Variants in SDK1 observed in about 807,000 individuals in gnomAD.
SDK1 encodes the protein sidekick cell adhesion molecule 1.
A neutral mutation model predicts 245.5 loss-of-function variants in SDK1; 157 were observed. The observed-to-expected ratio is 0.64, with a 90% CI of 0.56 to 0.73. The LOEUF is 0.73. Among genes scored for constraint, SDK1 ranks in the 30% least tolerant of loss-of-function variants. The probability of loss-of-function intolerance (pLI) is 0.00; values close to 1 mark genes in which losing one functional copy is unlikely to be tolerated. For synonymous variants in SDK1, 1,647 were observed against 1,278.5 expected (o/e 1.29, Z -6.15); for missense variants, 3,583 against 3,002.3 (o/e 1.19, Z -4.52).
chr7:3,993,526 A>G (rs1784497841), intron 14 of SDK1, among the ~76,000 whole-genome samples: 1 of 152,200 alleles, frequency 6.6e-6, no homozygotes, highest in Non-Finnish European at 1.5e-5. Context: ...TAATATTTAA[A>G]TTTAATTAAA....
intron 1 of SDK1, among the ~76,000 whole-genome samples, chr7:3,316,793 G>A (rs1227802652): frequency 6.6e-6 from 1 of 152,158 alleles, no homozygotes; most frequent in Non-Finnish European, 1.5e-5. Flanking sequence ...TTCTCCTGAA[G>A]TCTACAGTAT....
chr7:4,226,582 C>T (rs1328065266), intron 40 of SDK1, among the ~76,000 whole-genome samples: 1 of 152,220 alleles, frequency 6.6e-6, no homozygotes, highest in East Asian at 1.9e-4. Context: ...CACAGATCCC[C>T]TCTTATTCCT....
chr7:4,153,196 G>A (rs955509926), intron 30 of SDK1, among the ~76,000 whole-genome samples: 8 of 151,786 alleles, frequency 5.3e-5, no homozygotes, highest in African/African-American at 1.7e-4. Context: ...GGGATTCAAC[G>A]AATGTCAGCA....
chr7:4,223,003 C>T (rs545850401), intron 40 of SDK1, among the ~76,000 whole-genome samples: 27 of 151,988 alleles, frequency 1.8e-4, no homozygotes, highest in Non-Finnish European at 3.5e-4. Context: ...ACTTCAGACA[C>T]TTTCCTCCCC....
chr7:3,499,107 C>T (rs1327281803), intron 1 of SDK1, among the ~76,000 whole-genome samples: 1 of 152,154 alleles, frequency 6.6e-6, no homozygotes, highest in Non-Finnish European at 1.5e-5. Context: ...TTCTACAACT[C>T]TTGATTTTAA....
At chr7:3,464,888 CAT>C (rs1583896946) in intron 1 of SDK1, among the ~76,000 whole-genome samples, 1 of 152,036 alleles carries the variant, frequency 6.6e-6, no homozygotes, top group African/African-American at 2.4e-5. Flanking sequence ...CCTTGGGAAA[CAT>C]AGACATTTAT....
chr7:3,683,077 C>T (rs1366487216), intron 4 of SDK1, among the ~76,000 whole-genome samples: 1 of 152,162 alleles, frequency 6.6e-6, no homozygotes, highest in Non-Finnish European at 1.5e-5. Context: ...GAGTGATTTT[C>T]AGGCACAGTA....
rs149395462 is a variant in SDK1, at chr7:3,909,876, C to G, written c.848-41047C>G. On this transcript the variant is annotated intron_variant, in intron 5 of 44. Coordinates refer to ENST00000404826, the MANE Select transcript of SDK1 (RefSeq NM_152744.4). ...AGTTAAATACAACAGGATGGAAATG[C>G]AGCTTTGAAAACCTATAATGAGCAG... is the stretch of plus-strand genomic sequence containing the variant. 3.6e-3 allele frequency among the ~76,000 whole-genome samples: 554 copies of G among 152,216 alleles called. 5 individuals are homozygous for G. The highest frequency in any genetic ancestry group is 0.013 in the African/African-American group (540 of 41,532).
chr7:3,322,129 A>G (rs1023647942), intron 1 of SDK1, among the ~76,000 whole-genome samples: 2 of 151,802 alleles, frequency 1.3e-5, no homozygotes, highest in Admixed American at 6.6e-5. Flanking sequence ...GTTCCGGGAC[A>G]GTTTCATCCC....
At chr7:3,332,777 T>A (rs185136148) in intron 1 of SDK1, among the ~76,000 whole-genome samples, 1 of 152,106 alleles carries the variant, frequency 6.6e-6, no homozygotes, top group Non-Finnish European at 1.5e-5. Context: ...TAACTTCTTT[T>A]CCCCCCAGGA....
At chr7:3,820,832 G>A (rs1248671526) in intron 4 of SDK1, among the ~76,000 whole-genome samples, 1 of 152,176 alleles carries the variant, frequency 6.6e-6, no homozygotes, top group East Asian at 1.9e-4. Flanking sequence ...TCTTGGTCAC[G>A]ATCAAGAAGA....
intron 1 of SDK1, among the ~76,000 whole-genome samples, chr7:3,426,470 C>G (rs753033201): frequency 6.6e-6 from 1 of 152,196 alleles, no homozygotes; most frequent in Non-Finnish European, 1.5e-5. Context: ...TTTCCCTTCT[C>G]TCTAAATGGT....
At chr7:4,063,888 T>C (rs576248235) in intron 19 of SDK1, among the ~76,000 whole-genome samples, 51 of 152,090 alleles carry the variant, frequency 3.4e-4, no homozygotes, top group African/African-American at 1.1e-3. Flanking sequence ...GCTAGGAAAA[T>C]TGGATATCCA....
chr7:3,513,767 A>G (rs1782651691), intron 1 of SDK1, among the ~76,000 whole-genome samples: 1 of 152,132 alleles, frequency 6.6e-6, no homozygotes, highest in East Asian at 1.9e-4. Flanking sequence ...AGCAGGTTTT[A>G]TAACTTTTCA....
chr7:3,788,378 C>T (rs1780972827), intron 4 of SDK1, among the ~76,000 whole-genome samples: 1 of 152,196 alleles, frequency 6.6e-6, no homozygotes, highest in Admixed American at 6.5e-5. Flanking sequence ...CTCGTGCTTT[C>T]TAGCTTCTGC....
At chr7:3,787,007 T>G (rs1244867374) in intron 4 of SDK1, among the ~76,000 whole-genome samples, 1 of 152,164 alleles carries the variant, frequency 6.6e-6, no homozygotes, top group Non-Finnish European at 1.5e-5. Context: ...GCAGAATTGA[T>G]AGACATCTTT....
At chr7:3,452,267 C>T (rs1024372093) in intron 1 of SDK1, among the ~76,000 whole-genome samples, 32 of 152,222 alleles carry the variant, frequency 2.1e-4, no homozygotes, top group East Asian at 1.4e-3. Flanking sequence ...GTGCTAGATA[C>T]CCCAGATTCT....
At chr7:3,931,851 G>A (rs192651080) in intron 5 of SDK1, among the ~76,000 whole-genome samples, 60 of 152,308 alleles carry the variant, frequency 3.9e-4, no homozygotes, top group African/African-American at 1.3e-3. Context: ...AGAAGCTTTG[G>A]GAGAGGTTTG....
At chr7:3,875,876 G>A (rs934578810) in intron 5 of SDK1, among the ~76,000 whole-genome samples, 1 of 152,168 alleles carries the variant, frequency 6.6e-6, no homozygotes, top group Non-Finnish European at 1.5e-5. Flanking sequence ...GCAGCTGGTA[G>A]GTCCTGGTGT....
Sources: gnomAD v4.1 joint callset for allele counts (sites outside exome capture counted in the v4.1 genomes callset) on GRCh38, gnomAD v4.1.1 for gene constraint, MANE v1.5 for transcripts, NCBI Gene and HGNC (gene_info 2026-07-23, HGNC 2026-07-21) for gene names.